AGBL1: variants seen among roughly 807,000 people sequenced by gnomAD.
The protein encoded by AGBL1 is AGBL carboxypeptidase 1.
Under a neutral mutation model 118.9 loss-of-function variants are expected in AGBL1, and 130 were observed. The ratio of observed to expected loss-of-function variants is 1.09; its 90% CI spans 0.95 to 1.26. AGBL1 has a LOEUF of 1.26. AGBL1 is among the 50% of genes most tolerant of loss of function. The pLI is 0.00. For missense variants in AGBL1, 1,584 were observed against 1,298.1 expected (o/e 1.22, Z -3.38); for synonymous variants, 555 against 478.9 (o/e 1.16, Z -2.08).
intron 21 of AGBL1, among the ~76,000 whole-genome samples, chr15:86,664,112 C>A (rs978723754): frequency 1.3e-5 from 2 of 152,074 alleles, no homozygotes; most frequent in African/African-American, 4.8e-5. Flanking sequence ...AATATATGGC[C>A]TTTTTTGCAG....
intron 24 of AGBL1, among the ~76,000 whole-genome samples, chr15:86,997,847 C>T (rs2081393805): frequency 6.6e-6 from 1 of 150,596 alleles, no homozygotes; most frequent in South Asian, 2.1e-4. Context: ...TTTCATAACT[C>T]CTTATATACT....
chr15:86,646,944 T>A (rs1161120316), intron 21 of AGBL1, among the ~76,000 whole-genome samples: 1 of 152,212 alleles, frequency 6.6e-6, no homozygotes, highest in African/African-American at 2.4e-5. Context: ...TTTCTTAGTT[T>A]TTTAAAGTGT....
rs141668525 is a variant in AGBL1 at position 86,417,840 on chromosome 15, C to T, written c.2555+20294C>T. ...ATGACCACCATTATTATTCTGAAAA[C>T]CAAATTGCTATTCATGAAGCCTGAA... On this transcript the variant is annotated intron_variant, in intron 18 of 22. Coordinates refer to ENST00000614907, the MANE Select transcript of AGBL1 (RefSeq NM_001386094.1). Among the ~76,000 whole-genome samples the T allele has an allele frequency of 3.2e-3, 484 of 152,276 alleles. 2 individuals are homozygous for T. The highest frequency in any genetic ancestry group is 0.011 in the African/African-American group (457 of 41,558).
chr15:86,855,737 T>G (rs2079470126), intron 22 of AGBL1, among the ~76,000 whole-genome samples: 1 of 152,226 alleles, frequency 6.6e-6, no homozygotes, highest in African/African-American at 2.4e-5. Flanking sequence ...GATCCCGTCA[T>G]CTTCCTGTGC....
intron 16 of AGBL1, among the ~76,000 whole-genome samples, chr15:86,283,050 C>T (rs954306773): frequency 5.3e-5 from 8 of 152,088 alleles, no homozygotes; most frequent in Non-Finnish European, 8.8e-5. Flanking sequence ...GTTGGATAAT[C>T]GTTCGTTTTA....
At chr15:86,243,241 C>A (rs745531207) in intron 6 of AGBL1, among the ~76,000 whole-genome samples, 1 of 152,142 alleles carries the variant, frequency 6.6e-6, no homozygotes, top group Non-Finnish European at 1.5e-5. Flanking sequence ...ATCAGTTGAT[C>A]CTCAACTCAT....
chr15:86,950,843 A>C (rs2141670204), intron 23 of AGBL1, among the ~76,000 whole-genome samples: 1 of 152,270 alleles, frequency 6.6e-6, no homozygotes, highest in Non-Finnish European at 1.5e-5. Context: ...ATTAATCATC[A>C]GTGAAATGTA....
chr15:86,780,276 G>A lies in AGBL1; in HGVS notation c.3158+105840G>A, dbSNP rs141581982. Reference sequence around the variant, plus strand: ...GTGTCAGTTTTGTCATAAATCAGATGACCATATGTTTCAGAAACTATCCCT... The same window carrying A: ...GTGTCAGTTTTGTCATAAATCAGATAACCATATGTTTCAGAAACTATCCCT... On this transcript the variant is annotated intron_variant, in intron 22 of 22. Coordinates refer to ENST00000614907, the MANE Select transcript of AGBL1 (RefSeq NM_001386094.1). Among the ~76,000 whole-genome samples the A allele has an allele frequency of 5.3e-5, 8 of 152,228 alleles. No homozygotes were observed. In the East Asian group the frequency reaches 1.5e-3, roughly 29 times the overall value.
intron 22 of AGBL1, among the ~76,000 whole-genome samples, chr15:86,691,616 A>G (rs529573282): frequency 6.6e-6 from 1 of 152,294 alleles, no homozygotes; most frequent in East Asian, 1.9e-4. Flanking sequence ...TTCAGACATT[A>G]TAAAATCTGT....
chr15:86,401,076 C>T (rs944365853), intron 18 of AGBL1, among the ~76,000 whole-genome samples: 1 of 152,120 alleles, frequency 6.6e-6, no homozygotes, highest in African/African-American at 2.4e-5. Context: ...ACATTCCCAC[C>T]AGCAGTGTAA....
chr15:86,404,673 T>G (rs1024288133), intron 18 of AGBL1, among the ~76,000 whole-genome samples: 1 of 152,182 alleles, frequency 6.6e-6, no homozygotes, highest in Admixed American at 6.5e-5. Flanking sequence ...AACAATTGAC[T>G]GGGGAAAGTT....
At chr15:86,387,276 G>T (rs1030061050) in intron 17 of AGBL1, among the ~76,000 whole-genome samples, 1 of 152,144 alleles carries the variant, frequency 6.6e-6, no homozygotes, top group Non-Finnish European at 1.5e-5. Context: ...TGTGTTTTGG[G>T]AATAGTAAAA....
chr15:86,592,631 G>A (rs902091168), intron 21 of AGBL1, among the ~76,000 whole-genome samples: 3 of 152,148 alleles, frequency 2.0e-5, no homozygotes, highest in African/African-American at 7.2e-5. Context: ...TCCCTTACCA[G>A]TTGAGTGTTC....
At chr15:86,638,151 T>C (rs2142459269) in intron 21 of AGBL1, among the ~76,000 whole-genome samples, 1 of 152,240 alleles carries the variant, frequency 6.6e-6, no homozygotes, top group Admixed American at 6.5e-5. Context: ...AATCCTACAA[T>C]GGTGGCCATC....
intron 22 of AGBL1, among the ~76,000 whole-genome samples, chr15:86,839,125 T>G (rs891390678): frequency 9.9e-5 from 15 of 151,974 alleles, no homozygotes; most frequent in African/African-American, 3.6e-4. Flanking sequence ...AAATACTGGT[T>G]AGAAGATTAC....
At chr15:86,982,375 C>T in intron 23 of AGBL1, among the ~76,000 whole-genome samples, 1 of 150,236 alleles carries the variant, frequency 6.7e-6, no homozygotes, top group Non-Finnish European at 1.5e-5. Flanking sequence ...GGACATTTAG[C>T]TTGTGGTACA....
At chr15:86,279,873 A>G in intron 16 of AGBL1, 90 bp downstream of exon 16, 1 of 1,498,568 alleles carries the variant, frequency 6.7e-7, no homozygotes, top group Non-Finnish European at 9.2e-7. Flanking sequence ...TGACATCCTG[A>G]TGGGGTGCAG....
chr15:86,709,601 A>G (rs1217733159), intron 22 of AGBL1, among the ~76,000 whole-genome samples: 5 of 152,194 alleles, frequency 3.3e-5, no homozygotes, highest in Non-Finnish European at 4.4e-5. Context: ...TATCGCTGCT[A>G]TGTGCTTGAA....
Position 86,247,792 on chromosome 15 carries a change from C to T in AGBL1, c.648C>T (p.Leu216=), listed in dbSNP as rs756569023. ...TGCAGATCCGACGGGGCTTGCTGCT[C>T]TGCCTCAGGCACATTGCTGCCCTCC... ...AYVQIRRGLL[L]CLRHIAALRS... Residue 216 remains leucine (L), a synonymous_variant, in exon 7 of 23, where the codon CTC becomes CTT. Coordinates refer to ENST00000614907, the MANE Select transcript of AGBL1 (RefSeq NM_001386094.1). The T allele has an allele frequency of 7.4e-6, 12 of 1,613,960 alleles. No individual in the cohort carries two copies. Among genetic ancestry groups the T allele is most frequent in the Non-Finnish European group, 1.0e-5 (12 of 1,179,860 alleles).
Sources: allele counts gnomAD v4.1 joint callset (sites outside exome capture counted in the v4.1 genomes callset), GRCh38; gene constraint gnomAD v4.1.1; transcripts MANE v1.5; gene names NCBI Gene and HGNC (gene_info 2026-07-23, HGNC 2026-07-21).